The following LIN7A variants were observed in gnomAD, a reference collection of about 807,000 sequenced individuals.
LIN7A encodes protein lin-7 homolog A.
LIN7A carries 25 observed loss-of-function variants against 29.8 expected under a neutral mutation model. The observed-to-expected ratio is 0.84, with a 90% confidence interval of 0.61 to 1.17. The LOEUF is 1.17. Among genes scored for constraint, LIN7A ranks in the 50% most tolerant of loss-of-function variants. LIN7A has a pLI of 0.00. For missense variants in LIN7A, 239 were observed against 287.0 expected (o/e 0.83, Z 1.21); for synonymous variants, 118 against 107.5 (o/e 1.10, Z -0.60).
chr12:80,926,963 C>T (rs561902631), intron 1 of LIN7A, among the ~76,000 whole-genome samples: 33 of 147,432 alleles, frequency 2.2e-4, no homozygotes, highest in African/African-American at 8.2e-4. Context: ...TTGACATTGG[C>T]GGCATTTCAT....
chr12:80,899,958 G>A (rs1276429479), intron 1 of LIN7A, among the ~76,000 whole-genome samples: 1 of 151,126 alleles, frequency 6.6e-6, no homozygotes, highest in African/African-American at 2.4e-5. Context: ...TAGTAGAGAC[G>A]GGGTTTCACC....
intron 3 of LIN7A, among the ~76,000 whole-genome samples, chr12:80,847,384 C>CA (rs1030332762): frequency 2.0e-5 from 3 of 151,380 alleles, no homozygotes; most frequent in African/African-American, 4.9e-5. Context: ...CAAAACAAAA[C>CA]AAAAAAACCT....
chr12:80,798,676 A>AT (rs913050329), intron 5 of LIN7A, among the ~76,000 whole-genome samples: 85 of 151,138 alleles, frequency 5.6e-4, no homozygotes, highest in African/African-American at 1.8e-3. Context: ...AGAGTTTCAC[A>AT]TTTTTTTTTC....
intron 4 of LIN7A, among the ~76,000 whole-genome samples, chr12:80,833,865 C>T (rs1032900175): frequency 6.6e-6 from 1 of 152,136 alleles, no homozygotes; most frequent in Non-Finnish European, 1.5e-5. Context: ...TGAATTTTCG[C>T]TACACTGTCC....
chr12:80,931,275 A>G (rs1224088305), intron 1 of LIN7A, among the ~76,000 whole-genome samples: 1 of 151,582 alleles, frequency 6.6e-6, no homozygotes, highest in Non-Finnish European at 1.5e-5. Context: ...GAAAGGATTC[A>G]CCAAATTTCT....
chr12:80,911,726 T>A (rs2120806042), intron 1 of LIN7A, among the ~76,000 whole-genome samples: 1 of 152,336 alleles, frequency 6.6e-6, no homozygotes, highest in South Asian at 2.1e-4. Flanking sequence ...TAGCTTGGTA[T>A]TCTTCCATTT....
At position 80,933,991 on chromosome 12, in the gene LIN7A, C is replaced by T. The variant is rs577665381; in HGVS notation, c.82+3650G>A. Among the ~76,000 whole-genome samples, 160 of 152,132 alleles carry T rather than the reference C, an allele frequency of 1.1e-3. 1 individual carries two copies. The highest frequency in any genetic ancestry group is 1.2e-3 in the South Asian group (6 of 4,818). On this transcript the variant is annotated intron_variant, in intron 1 of 5. Coordinates refer to ENST00000552864, the MANE Select transcript of LIN7A (RefSeq NM_004664.4). Reference sequence around the variant, plus strand: ...GCACAGTGTATAAAACAATGTTTGGCGTAAGTCTGGTGCACAATATTTATT... The same window carrying T: ...GCACAGTGTATAAAACAATGTTTGGTGTAAGTCTGGTGCACAATATTTATT...
chr12:80,878,635 A>C (rs1189312606), intron 2 of LIN7A, among the ~76,000 whole-genome samples: 2 of 152,176 alleles, frequency 1.3e-5, no homozygotes, highest in African/African-American at 4.8e-5. Flanking sequence ...CTGTTGGCGG[A>C]CGTGGCCAGC....
chr12:80,907,174 CTGTG>C lies in LIN7A; in HGVS notation c.83-17809_83-17806del, dbSNP rs386764657. ...CACAGTGAATGCTTAATACATTTTA[CTGTG>C]GGTGATAATTACCATATTTTCACTC... On this transcript the variant is annotated intron_variant, in intron 1 of 5. Transcript: ENST00000552864. 3.6e-3 allele frequency among the ~76,000 whole-genome samples: 550 copies of C among 151,350 alleles called. 2 individuals are homozygous for C. Among genetic ancestry groups the C allele is most frequent in the African/African-American group, 0.012 (512 of 41,292 alleles).
At chr12:80,863,216 C>G (rs1284967367) in intron 2 of LIN7A, among the ~76,000 whole-genome samples, 1 of 152,202 alleles carries the variant, frequency 6.6e-6, no homozygotes, top group Admixed American at 6.5e-5. Context: ...TATTAGAGTT[C>G]TATTTCAAGT....
intron 4 of LIN7A, among the ~76,000 whole-genome samples, chr12:80,831,394 A>G (rs1274922035): frequency 6.6e-6 from 1 of 152,184 alleles, no homozygotes; most frequent in Non-Finnish European, 1.5e-5. Flanking sequence ...TAAAAGTCTG[A>G]CCCAAGGTCT....
intron 2 of LIN7A, among the ~76,000 whole-genome samples, chr12:80,877,296 ACAGTGATTT>A (rs1413548235): frequency 1.3e-5 from 2 of 152,148 alleles, no homozygotes; most frequent in African/African-American, 4.8e-5. Context: ...TCTATAAGAG[ACAGTGATTT>A]TATAAACTGT....
chr12:80,913,805 G>A (rs1876891386), intron 1 of LIN7A, among the ~76,000 whole-genome samples: 1 of 151,732 alleles, frequency 6.6e-6, no homozygotes, highest in African/African-American at 2.4e-5. Flanking sequence ...GTTCTATTCT[G>A]CATTATTTTC....
chr12:80,888,011 G>A (rs1002167036), intron 2 of LIN7A, among the ~76,000 whole-genome samples: 2 of 152,074 alleles, frequency 1.3e-5, no homozygotes, highest in Non-Finnish European at 2.9e-5. Flanking sequence ...TCAAGAGGAC[G>A]CTCATGCAGT....
intron 1 of LIN7A, among the ~76,000 whole-genome samples, chr12:80,912,849 A>G (rs957348680): frequency 3.3e-5 from 5 of 152,218 alleles, no homozygotes; most frequent in Admixed American, 6.5e-5. Flanking sequence ...GAAATCCTGT[A>G]TGTGAGCTCA....
chr12:80,863,409 C>A (rs1317798), intron 2 of LIN7A, among the ~76,000 whole-genome samples: 51,521 of 152,138 alleles, frequency 0.34, 10,245 homozygotes, highest in African/African-American at 0.56. Context: ...GTCAATGTGT[C>A]GGCTTAAAGA....
chr12:80,931,632 T>C (rs1341919869), intron 1 of LIN7A, among the ~76,000 whole-genome samples: 2 of 135,162 alleles, frequency 1.5e-5, no homozygotes, highest in Non-Finnish European at 1.5e-5. Flanking sequence ...GGCAAGACTC[T>C]GTCAAAAAGA....
At chr12:80,893,047 C>T (rs908490900) in intron 1 of LIN7A, among the ~76,000 whole-genome samples, 2 of 152,134 alleles carry the variant, frequency 1.3e-5, no homozygotes, top group Admixed American at 6.5e-5. Flanking sequence ...GCCTTTTAAG[C>T]ACAAGTTCAA....
At chr12:80,845,236 CAA>C (rs68031488) in intron 4 of LIN7A, among the ~76,000 whole-genome samples, 4,271 of 118,638 alleles carry the variant, frequency 0.036, 131 homozygotes, top group African/African-American at 0.12. Flanking sequence ...GATTCCATCT[CAA>C]AAAAAAAAAA....
Sources: allele counts gnomAD v4.1 joint callset (sites outside exome capture counted in the v4.1 genomes callset), GRCh38; gene constraint gnomAD v4.1.1; transcripts MANE v1.5; gene names NCBI Gene and HGNC (gene_info 2026-07-23, HGNC 2026-07-21).